USH2A: variants seen among roughly 807,000 people sequenced by gnomAD.
USH2A encodes Usher syndrome 2A (autosomal recessive, mild).
In USH2A, 443 loss-of-function variants were observed where a neutral mutation model predicts 538.9. The ratio of observed to expected loss-of-function variants is 0.82; its 90% CI spans 0.76 to 0.89. The LOEUF (loss-of-function observed/expected upper bound fraction) is 0.89. Ranked by LOEUF, USH2A falls within the 40% of genes least tolerant of loss-of-function variation. USH2A has a pLI of 0.00. For missense variants in USH2A, 6,633 were observed against 6,324.8 expected (o/e 1.05, Z -1.65); for synonymous variants, 2,413 against 2,273.5 (o/e 1.06, Z -1.75).
chr1:215,766,654 C>T lies in USH2A; in HGVS notation c.11047+27G>A. On this transcript the variant is annotated intron_variant, in intron 56 of 71. Transcript: ENST00000307340. ...AAAATGCTATGTGAAAATTTCTTCC[C>T]TCAAACCATGGATATTGTTTCATTA... 3 of 1,602,150 alleles carry T rather than the reference C, an allele frequency of 1.9e-6. No homozygotes were observed. In the South Asian group the frequency reaches 3.3e-5, roughly 18 times the overall value.
At chr1:215,775,693 T>C (rs1334512404) in intron 55 of USH2A, among the ~76,000 whole-genome samples, 1 of 152,208 alleles carries the variant, frequency 6.6e-6, no homozygotes, top group Non-Finnish European at 1.5e-5. Context: ...TTTTGTTGTA[T>C]TGGTGGTTAA....
At chr1:216,281,335 A>G (rs2102595001) in intron 11 of USH2A, among the ~76,000 whole-genome samples, 1 of 152,298 alleles carries the variant, frequency 6.6e-6, no homozygotes, top group East Asian at 1.9e-4. Context: ...AGTTATAAAT[A>G]AAGCAGATTT....
intron 30 of USH2A, among the ~76,000 whole-genome samples, chr1:216,052,192 C>T (rs1475092289): frequency 1.3e-5 from 2 of 151,908 alleles, no homozygotes; most frequent in African/African-American, 4.8e-5. Context: ...GAGATCTTTA[C>T]CAAATTGTAT....
intron 21 of USH2A, among the ~76,000 whole-genome samples, chr1:216,155,576 A>C (rs1463138701): frequency 6.6e-6 from 1 of 152,110 alleles, no homozygotes; most frequent in Non-Finnish European, 1.5e-5. Flanking sequence ...AGCAGCACCC[A>C]TTCCCTAGCC....
intron 32 of USH2A, among the ~76,000 whole-genome samples, chr1:216,015,160 T>A (rs1668674750): frequency 6.6e-6 from 1 of 152,198 alleles, no homozygotes; most frequent in Non-Finnish European, 1.5e-5. Flanking sequence ...GCAATATAGG[T>A]AGCACTGACC....
intron 21 of USH2A, among the ~76,000 whole-genome samples, chr1:216,127,520 C>A (rs2033279209): frequency 6.6e-6 from 1 of 152,126 alleles, no homozygotes; most frequent in Non-Finnish European, 1.5e-5. Flanking sequence ...TGATTTGTTT[C>A]AGGAGAAAAC....
intron 51 of USH2A, among the ~76,000 whole-genome samples, chr1:215,788,813 G>A (rs907968677): frequency 1.2e-4 from 18 of 151,992 alleles, no homozygotes; most frequent in African/African-American, 3.4e-4. Context: ...CCTGTTGGAG[G>A]GTAAAATAAT....
Position 216,196,529 on chromosome 1 carries a change from G to A in USH2A, c.4251+24C>T, listed in dbSNP as rs1479094246. On this transcript the variant is annotated intron_variant, in intron 19 of 71. Transcript: ENST00000307340. ...TGAAGCCCTAAGCCAATTCTGAAAG[G>A]ACATTAGTTAAAAATAACAATACCT... 15 of 1,612,712 alleles carry A rather than the reference G, an allele frequency of 9.3e-6. No individual in the cohort carries two copies. The Admixed American group carries it at 1.3e-4, about 14-fold the overall frequency.
chr1:216,332,707 C>G (rs993137765), intron 4 of USH2A, among the ~76,000 whole-genome samples: 8 of 152,112 alleles, frequency 5.3e-5, no homozygotes, highest in Non-Finnish European at 1.5e-5. Context: ...TCTGTTCAGT[C>G]ATTGCCTGAC....
chr1:215,660,973 T>C (rs938314622), intron 64 of USH2A, among the ~76,000 whole-genome samples: 1 of 152,250 alleles, frequency 6.6e-6, no homozygotes, highest in Non-Finnish European at 1.5e-5. Flanking sequence ...TATCCTGAGA[T>C]GTTTATTTAC....
intron 11 of USH2A, among the ~76,000 whole-genome samples, chr1:216,277,987 G>T (rs1442974224): frequency 1.3e-5 from 2 of 151,982 alleles, no homozygotes; most frequent in African/African-American, 4.8e-5. Context: ...CTAGATATTT[G>T]GGGGTTTGTT....
intron 38 of USH2A, among the ~76,000 whole-genome samples, chr1:215,926,778 T>C (rs1666248655): frequency 6.6e-6 from 1 of 152,008 alleles, no homozygotes; most frequent in African/African-American, 2.4e-5. Flanking sequence ...GGCTAAGTTT[T>C]TGTATTTTTG....
At chr1:216,069,414 T>C (rs1453442762) in intron 30 of USH2A, among the ~76,000 whole-genome samples, 1 of 152,204 alleles carries the variant, frequency 6.6e-6, no homozygotes, top group Non-Finnish European at 1.5e-5. Context: ...GATTTTTTGA[T>C]AGAGGAAAAT....
At chr1:215,932,993 A>G (rs1302233344) in intron 38 of USH2A, among the ~76,000 whole-genome samples, 2 of 152,052 alleles carry the variant, frequency 1.3e-5, no homozygotes, top group Admixed American at 6.6e-5. Context: ...TTATTAGACC[A>G]TACATTCCTA....
intron 37 of USH2A, among the ~76,000 whole-genome samples, chr1:215,951,966 G>T (rs1485223393): frequency 6.6e-6 from 1 of 151,458 alleles, no homozygotes; most frequent in South Asian, 2.1e-4. Context: ...CCGGGTTCAC[G>T]CCATTCTCCT....
chr1:215,679,818 A>T (rs1658163839), intron 62 of USH2A, among the ~76,000 whole-genome samples: 1 of 152,242 alleles, frequency 6.6e-6, no homozygotes. Flanking sequence ...CCTGGCTTCA[A>T]ATCCCAACTC....
At chr1:216,243,567 T>G (rs1271229060) in intron 13 of USH2A, among the ~76,000 whole-genome samples, 1 of 152,096 alleles carries the variant, frequency 6.6e-6, no homozygotes, top group East Asian at 1.9e-4. Flanking sequence ...ATCAATAGGA[T>G]ATGAGTAGAA....
At chr1:216,096,408 A>C (rs1486962413) in intron 22 of USH2A, among the ~76,000 whole-genome samples, 4 of 152,228 alleles carry the variant, frequency 2.6e-5, no homozygotes, top group African/African-American at 9.6e-5. Flanking sequence ...CCTGAAATAT[A>C]CACCCTCAAA....
chr1:216,370,780 T>G (rs942289390), intron 3 of USH2A, among the ~76,000 whole-genome samples: 2 of 151,180 alleles, frequency 1.3e-5, no homozygotes, highest in Non-Finnish European at 2.9e-5. Context: ...TAAGTTGCAG[T>G]CAGTTAGGGT....
Sources: allele counts gnomAD v4.1 joint callset (sites outside exome capture counted in the v4.1 genomes callset), GRCh38; gene constraint gnomAD v4.1.1; transcripts MANE v1.5; gene names NCBI Gene and HGNC (gene_info 2026-07-23, HGNC 2026-07-21).